CDH18: variants seen among roughly 807,000 people sequenced by gnomAD.
The protein encoded by CDH18 is cadherin 18, also known as cadherin-18.
In CDH18, 31 loss-of-function variants were observed where a neutral mutation model predicts 67.9. The observed-to-expected ratio is 0.46, with a 90% confidence interval of 0.34 to 0.62. The LOEUF (loss-of-function observed/expected upper bound fraction) is 0.62, where lower values mean the gene tolerates loss of function less well. Among genes scored for constraint, CDH18 ranks in the 20% least tolerant of loss-of-function variants. The probability of loss-of-function intolerance (pLI) is 0.01; values close to 1 mark genes in which losing one functional copy is unlikely to be tolerated. For synonymous variants in CDH18, 362 were observed against 347.2 expected (o/e 1.04, Z -0.48); for missense variants, 890 against 975.5 (o/e 0.91, Z 1.17).
chr5:19,565,516 A>G (rs934944872), intron 8 of CDH18, among the ~76,000 whole-genome samples: 5 of 152,236 alleles, frequency 3.3e-5, no homozygotes, highest in African/African-American at 1.2e-4. Context: ...ATGCAGATAT[A>G]GCTGCAATGA....
intron 3 of CDH18, among the ~76,000 whole-genome samples, chr5:19,799,676 TA>T (rs1487186733): frequency 3.3e-5 from 5 of 152,156 alleles, no homozygotes; most frequent in Non-Finnish European, 7.4e-5. Flanking sequence ...TTCAGAGGAT[TA>T]TTTTTTTCCT....
intron 2 of CDH18, among the ~76,000 whole-genome samples, chr5:19,939,030 G>A (rs1794567655): frequency 6.6e-6 from 1 of 150,988 alleles, no homozygotes; most frequent in Non-Finnish European, 1.5e-5. Context: ...TGCTCCAAAT[G>A]TATTTAATTA....
At chr5:19,657,769 A>G (rs1053863359) in intron 5 of CDH18, among the ~76,000 whole-genome samples, 1 of 152,142 alleles carries the variant, frequency 6.6e-6, no homozygotes, top group African/African-American at 2.4e-5. Context: ...AAAATCCATA[A>G]CTTATTCTCC....
At chr5:19,983,855 A>G (rs1365815350) in intron 1 of CDH18, among the ~76,000 whole-genome samples, 3 of 152,228 alleles carry the variant, frequency 2.0e-5, no homozygotes, top group African/African-American at 7.2e-5. Context: ...ATTTAAAAAG[A>G]TTGTAATAAG....
chr5:20,019,729 T>C (rs1254343629), intron 2 of CDH18, among the ~76,000 whole-genome samples: 1 of 152,186 alleles, frequency 6.6e-6, no homozygotes, highest in Non-Finnish European at 1.5e-5. Context: ...GGTAGTCCTT[T>C]ATAGCAATGA....
At chr5:19,565,499 C>T (rs1209573342) in intron 8 of CDH18, among the ~76,000 whole-genome samples, 2 of 152,198 alleles carry the variant, frequency 1.3e-5, no homozygotes, top group Non-Finnish European at 2.9e-5. Context: ...GCTTGGGGTA[C>T]CCCCTAATGC....
chr5:19,666,507 C>A (rs913546200), intron 5 of CDH18, among the ~76,000 whole-genome samples: 3 of 151,872 alleles, frequency 2.0e-5, no homozygotes, highest in African/African-American at 7.2e-5. Flanking sequence ...AAATATTACA[C>A]CACGAGCCAA....
intron 2 of CDH18, among the ~76,000 whole-genome samples, chr5:20,149,536 C>A (rs1750936345): frequency 6.6e-6 from 1 of 152,078 alleles, no homozygotes; most frequent in Non-Finnish European, 1.5e-5. Flanking sequence ...CTATTTCAAA[C>A]AAAATAAAGT....
intron 1 of CDH18, among the ~76,000 whole-genome samples, chr5:20,311,575 C>G (rs966650053): frequency 2.0e-5 from 3 of 152,066 alleles, no homozygotes; most frequent in Non-Finnish European, 2.9e-5. Flanking sequence ...TGTTCTCGCT[C>G]ATAAGTGAGA....
At chr5:19,941,481 T>C (rs996226076) in intron 2 of CDH18, among the ~76,000 whole-genome samples, 1 of 152,048 alleles carries the variant, frequency 6.6e-6, no homozygotes, top group Non-Finnish European at 1.5e-5. Flanking sequence ...TTGCTAATTA[T>C]GTTTTAAGAA....
chr5:20,522,356 C>G (rs1433338893), intron 1 of CDH18, among the ~76,000 whole-genome samples: 2 of 152,118 alleles, frequency 1.3e-5, no homozygotes, highest in African/African-American at 2.4e-5. Context: ...GTCTCCTACT[C>G]CTTTTAAGAC....
At chr5:19,553,633 CTTTTTT>C (rs1021709184) in intron 8 of CDH18, among the ~76,000 whole-genome samples, 1 of 108,776 alleles carries the variant, frequency 9.2e-6, no homozygotes, top group African/African-American at 3.7e-5. Flanking sequence ...TGGTCTCATA[CTTTTTT>C]TTTTTTTTTT....
At chr5:20,181,389 A>G (rs904320319) in intron 2 of CDH18, among the ~76,000 whole-genome samples, 5 of 152,086 alleles carry the variant, frequency 3.3e-5, no homozygotes, top group Non-Finnish European at 7.4e-5. Flanking sequence ...TGCAGAGAGG[A>G]GGATGCACTA....
chr5:19,927,466 C>T (rs1793215786), intron 2 of CDH18, among the ~76,000 whole-genome samples: 2 of 152,096 alleles, frequency 1.3e-5, no homozygotes. Context: ...ACTCCAGATA[C>T]TGAATTCTTA....
At chr5:19,950,869 C>A (rs984202160) in intron 2 of CDH18, among the ~76,000 whole-genome samples, 1 of 152,066 alleles carries the variant, frequency 6.6e-6, no homozygotes, top group Non-Finnish European at 1.5e-5. Context: ...TTTGTCAGCA[C>A]ACAGCATTTA....
intron 3 of CDH18, among the ~76,000 whole-genome samples, chr5:19,785,682 ATATATATATAT>A (rs1775694722): frequency 8.6e-4 from 18 of 20,844 alleles, no homozygotes; most frequent in African/African-American, 2.5e-3. Context: ...AAAAAAAAAT[ATATATATATAT>A]ATATATATAT....
At chr5:20,367,565 T>C (rs976024769) in intron 1 of CDH18, among the ~76,000 whole-genome samples, 2 of 152,206 alleles carry the variant, frequency 1.3e-5, no homozygotes, top group Non-Finnish European at 2.9e-5. Context: ...GTACAATATT[T>C]TTAGACAATA....
chr5:19,986,114 A>G (rs761494335), intron 1 of CDH18, among the ~76,000 whole-genome samples: 44 of 152,244 alleles, frequency 2.9e-4, no homozygotes, highest in Non-Finnish European at 6.0e-4. Flanking sequence ...TTATATTTAT[A>G]GCAGCTTTCA....
At chr5:20,302,105 A>T (rs1373712707) in intron 1 of CDH18, among the ~76,000 whole-genome samples, 1 of 152,188 alleles carries the variant, frequency 6.6e-6, no homozygotes, top group Admixed American at 6.5e-5. Flanking sequence ...CAGAATAACA[A>T]AATATACACC....
Sources: allele counts gnomAD v4.1 joint callset (sites outside exome capture counted in the v4.1 genomes callset), GRCh38; gene constraint gnomAD v4.1.1; transcripts MANE v1.5; gene names NCBI Gene and HGNC (gene_info 2026-07-23, HGNC 2026-07-21).